TMEM80: variants seen among roughly 807,000 people sequenced by gnomAD.
The protein encoded by TMEM80 is transmembrane protein 80.
Under a neutral mutation model 13.6 loss-of-function variants are expected in TMEM80, and 16 were observed. The observed-to-expected ratio is 1.17, with a 90% CI of 0.79 to 1.78. The LOEUF is 1.78. Among genes scored for constraint, TMEM80 ranks in the 40% most tolerant of loss-of-function variants. The pLI is 0.00. For missense variants in TMEM80, 167 were observed against 184.6 expected (o/e 0.90, Z 0.55); for synonymous variants, 92 against 89.5 (o/e 1.03, Z -0.16).
intron 4 of TMEM80, among the ~76,000 whole-genome samples, chr11:701,393 CGAG>C (rs1490747555): frequency 2.1e-5 from 3 of 140,454 alleles, no homozygotes; most frequent in African/African-American, 8.0e-5. Context: ...TTGGTAGAGA[CGAG>C]ACAAGGTTTC....
intron 1 of TMEM80, among the ~76,000 whole-genome samples, chr11:696,253 G>C (rs569908490): frequency 2.0e-5 from 3 of 152,256 alleles, no homozygotes; most frequent in Admixed American, 6.5e-5. Context: ...ACTCGCCTCC[G>C]AGAGGAGGAA....
chr11:703,111 C>T lies in TMEM80; in HGVS notation c.393C>T (p.Ala131=), dbSNP rs758944591. The T allele has an allele frequency of 1.9e-6, 3 of 1,610,310 alleles. No individual in the cohort carries two copies. Among genetic ancestry groups the T allele is most frequent in the African/African-American group, 1.3e-5 (1 of 75,040 alleles). The part of the protein sequence containing the change: ...ATLLALHGLE[A]VLQVVAIAAF... ...TCCTGGCCCTTCACGGCCTGGAGGC[C>T]GTCCTGCAGGTGGTTGCCATCGCGG... The change falls in exon 5 of 5, where the codon GCC becomes GCT. Residue 131 remains alanine, a synonymous_variant. Transcript: ENST00000397510.
In TMEM80 at chr11:703,575, T is replaced by C; in HGVS notation, c.*425T>C. The C allele has an allele frequency of 1.6e-6, 2 of 1,233,410 alleles. No individual in the cohort carries two copies. The highest frequency in any genetic ancestry group is 2.0e-6 in the Non-Finnish European group (2 of 989,032). The allele number at this position is 1,233,410 out of a possible 1,614,324, so 76.4% of individuals were successfully genotyped here. On this transcript the variant is annotated 3_prime_UTR_variant, in exon 5 of 5. Coordinates refer to ENST00000397510, the MANE Select transcript of TMEM80 (RefSeq NM_001042463.3). The stretch of plus-strand genomic sequence containing the variant: ...GTTCCCCAATGGTCCTAATTTGTGT[T>C]CTGAGATCCCAGTTTACTCCGTGGC...
Position 703,570 on chromosome 11 carries a change from T to C in TMEM80, c.*420T>C, listed in dbSNP as rs564837390. On this transcript the variant is annotated 3_prime_UTR_variant, in exon 5 of 5. Transcript: ENST00000397510. ...CCCTAGTTCCCCAATGGTCCTAATT[T>C]GTGTTCTGAGATCCCAGTTTACTCC... 6,213 of 1,233,502 alleles carry C rather than the reference T, an allele frequency of 5.0e-3. 19 individuals carry two copies. The highest frequency in any genetic ancestry group is 5.6e-3 in the Non-Finnish European group (5,518 of 989,108). 76.4% of individuals were successfully genotyped at this position (1,233,502 alleles called of 1,614,324 possible).
intron 4 of TMEM80, among the ~76,000 whole-genome samples, chr11:701,564 C>T (rs527781168): frequency 6.6e-6 from 1 of 152,214 alleles, no homozygotes. Flanking sequence ...GTGCCCGCCA[C>T]CACGCCCGGC....
chr11:704,501 G>A (rs1450954780), downstream of TMEM80: 124 of 1,289,092 alleles, frequency 9.6e-5, no homozygotes, highest in South Asian at 1.5e-4. Context: ...GCGCCTGAGC[G>A]CCTCGGGCCA....
chr11:701,556 G>A (rs999427080), intron 4 of TMEM80, among the ~76,000 whole-genome samples: 88 of 151,856 alleles, frequency 5.8e-4, no homozygotes, highest in African/African-American at 1.9e-3. Context: ...GACTACAGGT[G>A]CCCGCCACCA....
chr11:701,473 T>C (rs539815171), intron 4 of TMEM80, among the ~76,000 whole-genome samples: 29 of 141,412 alleles, frequency 2.1e-4, no homozygotes, highest in Non-Finnish European at 3.5e-4. Context: ...TGCAGTGGCG[T>C]GAACTTGGCT....
intron 2 of TMEM80, 144 bp from the exon 3 acceptor site, chr11:699,994 CAGAT>C (rs541008628): frequency 9.6e-5 from 60 of 624,410 alleles, no homozygotes; most frequent in South Asian, 7.8e-4. Flanking sequence ...ACAGAAGCCT[CAGAT>C]AGGCAGTGAG....
intron 4 of TMEM80, among the ~76,000 whole-genome samples, chr11:702,349 T>TGGGGCC (rs1861536609): frequency 6.6e-6 from 1 of 152,242 alleles, no homozygotes; most frequent in Non-Finnish European, 1.5e-5. Context: ...GCTGATCTTC[T>TGGGGCC]GGGGCCTGGG....
At chr11:704,630 G>A (rs185337383), downstream of TMEM80, 2 of 1,289,348 alleles carry the variant, frequency 1.6e-6, no homozygotes, top group South Asian at 2.5e-5. Flanking sequence ...CTGGAGACCT[G>A]TTGCCTTCAT....
intron 1 of TMEM80, 141 bp from the exon 2 acceptor site, chr11:698,728 C>G: frequency 1.0e-6 from 1 of 968,920 alleles, no homozygotes; most frequent in Non-Finnish European, 1.7e-6. Flanking sequence ...AGTGGCAGGC[C>G]CACGGTATAT....
At chr11:701,628 T>C (rs187061039) in intron 4 of TMEM80, among the ~76,000 whole-genome samples, 2,694 of 151,724 alleles carry the variant, frequency 0.018, 63 homozygotes, top group East Asian at 0.055. Flanking sequence ...CCAGGATGGT[T>C]TCCATCTCCT....
intron 4 of TMEM80, among the ~76,000 whole-genome samples, chr11:701,620 A>G (rs945322339): frequency 2.6e-5 from 4 of 151,860 alleles, no homozygotes; most frequent in Non-Finnish European, 5.9e-5. Flanking sequence ...CATGTTAGCC[A>G]GGATGGTTTC....
At chr11:702,813 GA>G (rs1861555725) in intron 4 of TMEM80, 131 bp from the exon 5 acceptor site, 2 of 869,044 alleles carry the variant, frequency 2.3e-6, no homozygotes, top group Non-Finnish European at 1.7e-6. Flanking sequence ...TGTTTCCCTG[GA>G]ATTCCCCAGG....
chr11:699,269 C>CTGGA (rs1861337970), intron 2 of TMEM80: 3 of 271,462 alleles, frequency 1.1e-5, no homozygotes, highest in Non-Finnish European at 2.1e-5. Flanking sequence ...CTCACCCAGG[C>CTGGA]TGGAGTGTGG....
intron 1 of TMEM80, among the ~76,000 whole-genome samples, chr11:697,163 C>T (rs1046494788): frequency 1.5e-5 from 2 of 134,094 alleles, no homozygotes; most frequent in African/African-American, 5.5e-5. Flanking sequence ...CTGAGGCTGG[C>T]GGATCACTGG....
intron 4 of TMEM80, 42 bp from the exon 5 acceptor site, chr11:702,903 G>T: frequency 1.9e-6 from 3 of 1,550,836 alleles, no homozygotes; most frequent in Non-Finnish European, 2.6e-6. Flanking sequence ...GCTCCAGGGA[G>T]CGCCTCGCAC....
Position 703,591 on chromosome 11 carries a change from A to T in TMEM80, c.*441A>T, listed in dbSNP as rs2133479378. The stretch of plus-strand genomic sequence containing the variant: ...AATTTGTGTTCTGAGATCCCAGTTT[A>T]CTCCGTGGCCAGGCCCCACCTGTGT... On this transcript the variant is annotated 3_prime_UTR_variant, in exon 5 of 5. Transcript: ENST00000397510. 3 of 1,232,886 alleles carry T rather than the reference A, an allele frequency of 2.4e-6. No homozygotes were observed. In the East Asian group the frequency reaches 9.5e-5, roughly 39 times the overall value. The allele number at this position is 1,232,886 out of a possible 1,614,324, so 76.4% of individuals were successfully genotyped here.
Sources: gnomAD v4.1 joint callset for allele counts (sites outside exome capture counted in the v4.1 genomes callset) on GRCh38, gnomAD v4.1.1 for gene constraint, MANE v1.5 for transcripts, NCBI Gene and HGNC (gene_info 2026-07-23, HGNC 2026-07-21) for gene names.